MALRD1: variants seen among roughly 807,000 people sequenced by gnomAD.
The protein encoded by MALRD1 is MAM and LDL receptor class A domain containing 1.
MALRD1 carries 247 observed loss-of-function variants against 242.1 expected under a neutral mutation model. That is an observed-to-expected ratio of 1.02 (90% CI 0.92 to 1.13). The LOEUF is 1.13. Ranked by LOEUF, MALRD1 falls within the 50% of genes most tolerant of loss-of-function variation. MALRD1 has a pLI of 0.00. For synonymous variants in MALRD1, 995 were observed against 866.6 expected (o/e 1.15, Z -2.60); for missense variants, 2,989 against 2,533.1 (o/e 1.18, Z -3.86).
intron 19 of MALRD1, among the ~76,000 whole-genome samples, chr10:19,270,332 TCTCTCACACA>T (rs767271403): frequency 1.5e-3 from 109 of 72,666 alleles, no homozygotes; most frequent in Admixed American, 0.012. Context: ...TCTCTCTCTC[TCTCTCACACA>T]CACACACACA....
rs1476665680 is a variant in MALRD1 at position 19,734,389 on chromosome 10, A to C, written c.*152A>C. The C allele has an allele frequency of 1.8e-6, 1 of 567,482 alleles. No individual in the cohort carries two copies. Among genetic ancestry groups the C allele is most frequent in the Non-Finnish European group, 3.0e-6 (1 of 335,846 alleles). The allele number at this position is 567,482 out of a possible 1,614,324, so 35.2% of individuals were successfully genotyped here. A position where few individuals can be genotyped will look rare whatever the true frequency, so the allele number is the denominator to read the frequency against. ...AACATTTATGAATGAATTTTCTTGC[A>C]GAATATAGAGAATGTTTATATGGAA... On this transcript the variant is annotated 3_prime_UTR_variant, in exon 40 of 40. Transcript: ENST00000454679.
chr10:19,680,317 A>T (rs4348797), intron 36 of MALRD1, among the ~76,000 whole-genome samples: 21,786 of 152,026 alleles, frequency 0.14, 2,645 homozygotes, highest in African/African-American at 0.33. Flanking sequence ...TGAATCTGGG[A>T]GCTCCTGTAT....
At chr10:19,582,197 C>A (rs986679943) in intron 33 of MALRD1, among the ~76,000 whole-genome samples, 3 of 152,126 alleles carry the variant, frequency 2.0e-5, no homozygotes, top group African/African-American at 7.2e-5. Flanking sequence ...ATGGTAGTTT[C>A]TTTTGCTGTG....
In MALRD1 at chr10:19,323,946, C is replaced by T. The variant is rs772612417; in HGVS notation, c.3420-3C>T. 1.7e-5 allele frequency: 26 copies of T among 1,550,334 alleles called. No individual in the cohort carries two copies. The highest frequency in any genetic ancestry group is 2.0e-5 in the Non-Finnish European group (23 of 1,146,652). On this transcript the variant is annotated splice_region_variant and splice_polypyrimidine_tract_variant and intron_variant, in intron 21 of 39. Coordinates refer to ENST00000454679, the MANE Select transcript of MALRD1 (RefSeq NM_001142308.3). ...TTTATAATATGATAAATTCCTTTTC[C>T]AGAAATACCACTGATGGCTGGTACC...
At chr10:19,100,889 G>A (rs1027122014) in intron 4 of MALRD1, among the ~76,000 whole-genome samples, 40 of 151,996 alleles carry the variant, frequency 2.6e-4, no homozygotes, top group African/African-American at 8.5e-4. Flanking sequence ...GACTGCAGGC[G>A]TATCCTTAAC....
intron 20 of MALRD1, 149 bp from the exon 21 acceptor site, chr10:19,282,870 G>T (rs953447241): frequency 1.3e-5 from 7 of 540,820 alleles, no homozygotes; most frequent in African/African-American, 1.2e-4. Context: ...CTCTTCCAGT[G>T]ATTTTACAAA....
At chr10:19,403,576 A>C (rs1166980262) in intron 28 of MALRD1, among the ~76,000 whole-genome samples, 2 of 152,130 alleles carry the variant, frequency 1.3e-5, no homozygotes, top group Non-Finnish European at 2.9e-5. Flanking sequence ...AATTGAAGTG[A>C]CTTAGAGACT....
At chr10:19,124,772 G>A (rs1837193738) in intron 7 of MALRD1, 102 bp downstream of exon 7, 1 of 947,588 alleles carries the variant, frequency 1.1e-6, no homozygotes, top group Non-Finnish European at 1.4e-6. Context: ...AATATACTGA[G>A]TATATTTTAT....
intron 36 of MALRD1, among the ~76,000 whole-genome samples, chr10:19,683,605 A>G (rs932628861): frequency 1.3e-5 from 2 of 152,124 alleles, no homozygotes; most frequent in Non-Finnish European, 2.9e-5. Context: ...GCCTGTCTAT[A>G]TCTTGAGATG....
chr10:19,388,931 A>C (rs1368992997), intron 27 of MALRD1, among the ~76,000 whole-genome samples: 1 of 151,906 alleles, frequency 6.6e-6, no homozygotes, highest in African/African-American at 2.4e-5. Context: ...AAAGCAAGAC[A>C]AAAGTCTCAT....
At chr10:19,208,100 A>G (rs940114808) in intron 17 of MALRD1, among the ~76,000 whole-genome samples, 1 of 139,394 alleles carries the variant, frequency 7.2e-6, no homozygotes, top group Non-Finnish European at 1.6e-5. Flanking sequence ...TTTTTTTTTT[A>G]CCACAGTTGG....
chr10:19,509,931 G>A (rs1053334436), intron 31 of MALRD1, among the ~76,000 whole-genome samples: 5 of 145,202 alleles, frequency 3.4e-5, no homozygotes, highest in South Asian at 2.2e-4. Context: ...GGGGACCGGC[G>A]CTCAGCATAC....
At chr10:19,731,427 A>G (rs1432605643) in intron 39 of MALRD1, among the ~76,000 whole-genome samples, 1 of 152,154 alleles carries the variant, frequency 6.6e-6, no homozygotes, top group Non-Finnish European at 1.5e-5. Context: ...TACTATAGGT[A>G]TACATTGTGA....
intron 18 of MALRD1, among the ~76,000 whole-genome samples, chr10:19,228,189 C>G (rs777224950): frequency 6.6e-6 from 1 of 152,024 alleles, no homozygotes; most frequent in African/African-American, 2.4e-5. Context: ...ATGGATAAAC[C>G]AGTTGTATAT....
chr10:19,300,409 C>A (rs1231865578), intron 21 of MALRD1, among the ~76,000 whole-genome samples: 2 of 151,870 alleles, frequency 1.3e-5, no homozygotes, highest in Non-Finnish European at 2.9e-5. Flanking sequence ...ATAGCAAGAG[C>A]AATCCTAAGC....
In MALRD1 at chr10:19,097,870, A is replaced by G. The variant is rs553339343; in HGVS notation, c.598-6109A>G. 9.2e-5 allele frequency among the ~76,000 whole-genome samples: 14 copies of G among 152,334 alleles called. No individual in the cohort carries two copies. In the South Asian group the frequency reaches 2.1e-3, roughly 23 times the overall value. On this transcript the variant is annotated intron_variant, in intron 4 of 39. Coordinates refer to ENST00000454679, the MANE Select transcript of MALRD1 (RefSeq NM_001142308.3). ...ATTAAGAAAATTAATCCTTTATCAC[A>G]AAAGATTGTAGCAGAGCACATCTCC...
intron 29 of MALRD1, among the ~76,000 whole-genome samples, chr10:19,481,170 A>G (rs918093215): frequency 6.6e-6 from 1 of 152,152 alleles, no homozygotes; most frequent in Non-Finnish European, 1.5e-5. Context: ...ATCACATTTT[A>G]AAATATTTTT....
At chr10:19,524,887 T>C (rs1008516809) in intron 31 of MALRD1, among the ~76,000 whole-genome samples, 4 of 142,306 alleles carry the variant, frequency 2.8e-5, no homozygotes, top group African/African-American at 1.1e-4. Context: ...TTATTTTATT[T>C]TTTAAATTTT....
intron 18 of MALRD1, among the ~76,000 whole-genome samples, chr10:19,230,153 T>G (rs557071556): frequency 6.6e-6 from 1 of 152,174 alleles, no homozygotes; most frequent in African/African-American, 2.4e-5. Context: ...TCCTCAGCCA[T>G]GTGGAACTGT....
Sources: gnomAD v4.1 joint callset for allele counts (sites outside exome capture counted in the v4.1 genomes callset) on GRCh38, gnomAD v4.1.1 for gene constraint, MANE v1.5 for transcripts, NCBI Gene and HGNC (gene_info 2026-07-23, HGNC 2026-07-21) for gene names.